VPS37B: variants seen among roughly 807,000 people sequenced by gnomAD.
VPS37B encodes VPS37B subunit of ESCRT-I.
VPS37B carries 11 observed loss-of-function variants against 21.2 expected under a neutral mutation model. The ratio of observed to expected loss-of-function variants is 0.52; its 90% CI spans 0.33 to 0.86. The LOEUF (loss-of-function observed/expected upper bound fraction) is 0.86. Among genes scored for constraint, VPS37B ranks in the 40% least tolerant of loss-of-function variants. VPS37B has a pLI of 0.03. For missense variants in VPS37B, 389 were observed against 374.8 expected (o/e 1.04, Z -0.31); for synonymous variants, 175 against 159.6 (o/e 1.10, Z -0.73).
chr12:122,867,750 T>C lies in VPS37B; in HGVS notation c.367-143A>G, dbSNP rs1206731470. The C allele has an allele frequency of 1.8e-6, 2 of 1,110,286 alleles. No homozygotes were observed. Among genetic ancestry groups the C allele is most frequent in the African/African-American group, 1.6e-5 (1 of 63,696 alleles). The allele number at this position is 1,110,286 out of a possible 1,614,324, so 68.8% of individuals were successfully genotyped here. A position where few individuals can be genotyped will look rare whatever the true frequency, so the allele number is the denominator to read the frequency against. On this transcript the variant is annotated intron_variant, in intron 3 of 3. Coordinates refer to ENST00000267202, the MANE Select transcript of VPS37B (RefSeq NM_024667.3). This position sits in a 1 kb window ranked among gnomAD's most constrained non-coding sequence, Gnocchi z 5.5. ...ACCACCCAGAGGGCCTCGCTCCTGCTCCAGATCCCAGAGGTCATGGGCTCA... is the reference window on the plus strand; with the variant it reads ...ACCACCCAGAGGGCCTCGCTCCTGCCCCAGATCCCAGAGGTCATGGGCTCA...
rs2033958114 is a variant in VPS37B at position 122,868,664 on chromosome 12, G to C, written c.284-102C>G. ...ATTGCACCTTCCTTTCCAGGAAGCT[G>C]AATGTGAAAGGCTTGAAAACCTACA... is the stretch of plus-strand genomic sequence containing the variant. On this transcript the variant is annotated intron_variant, in intron 2 of 3. Transcript: ENST00000267202. This position sits in a 1 kb window ranked among gnomAD's most constrained non-coding sequence, Gnocchi z 5.5. The C allele has an allele frequency of 9.7e-7, 1 of 1,028,360 alleles. No individual in the cohort carries two copies. Among genetic ancestry groups the C allele is most frequent in the African/African-American group, 1.6e-5 (1 of 63,538 alleles). The allele number at this position is 1,028,360 out of a possible 1,614,324, so 63.7% of individuals were successfully genotyped here.
At chr12:122,884,910 G>A (rs1285597164) in intron 1 of VPS37B, 2 of 152,104 alleles carry the variant, frequency 1.3e-5, no homozygotes, top group African/African-American at 4.8e-5. Flanking sequence ...GTGGACCCTG[G>A]ATTTATGTTT....
chr12:122,879,293 G>C (rs1452291751), intron 1 of VPS37B: 1 of 152,416 alleles, frequency 6.6e-6, no homozygotes, highest in Non-Finnish European at 1.5e-5. Context: ...GCAGCCACCT[G>C]GCTGACCTAT....
At chr12:122,869,862 C>T (rs1028146483) in intron 2 of VPS37B, among the ~76,000 whole-genome samples, 9 of 152,068 alleles carry the variant, frequency 5.9e-5, no homozygotes, top group Non-Finnish European at 1.3e-4. Context: ...CCTTCCTTAG[C>T]CTCCCAAGTA....
At chr12:122,875,236 T>G (rs1378017880) in intron 1 of VPS37B, 1 of 146,838 alleles carries the variant, frequency 6.8e-6, no homozygotes, top group Non-Finnish European at 1.5e-5. Context: ...TTTTTTTTTT[T>G]TTTTTTTTTT....
intron 1 of VPS37B, 93 bp from the exon 2 acceptor site, chr12:122,871,154 T>C: frequency 1.3e-6 from 2 of 1,506,388 alleles, no homozygotes; most frequent in Non-Finnish European, 1.8e-6. Context: ...CCAGTGCAGC[T>C]GCTGCCACCT....
chr12:122,880,062 C>T (rs530991125), intron 1 of VPS37B: 2 of 152,114 alleles, frequency 1.3e-5, no homozygotes, highest in South Asian at 4.2e-4. Flanking sequence ...TACAGTGAGC[C>T]GAGATCGTGC....
Position 122,867,013 on chromosome 12 carries a change from G to A in VPS37B, c.*103C>T. On this transcript the variant is annotated 3_prime_UTR_variant, in exon 4 of 4. Transcript: ENST00000267202. The surrounding 1 kb of genome is among the most constrained non-coding windows in gnomAD (Gnocchi z 5.5). ...AATCAGACAGACACGCTGGCCCAGG[G>A]CCCCAGAGCCCTTGGCACAGAGCGG... 1 of 1,365,970 alleles carries A rather than the reference G, an allele frequency of 7.3e-7. No individual in the cohort carries two copies. The highest frequency in any genetic ancestry group is 2.7e-5 in the East Asian group (1 of 37,162). 84.6% of individuals were successfully genotyped at this position (1,365,970 alleles called of 1,614,324 possible).
chr12:122,882,054 C>T (rs1306566057), intron 1 of VPS37B: 1 of 152,124 alleles, frequency 6.6e-6, no homozygotes. Context: ...TCACATTTAG[C>T]AAAATTCACA....
At chr12:122,872,058 A>ATATTTTC in intron 1 of VPS37B, 2 of 985,158 alleles carry the variant, frequency 2.0e-6, no homozygotes. Context: ...TTTCCCCTTA[A>ATATTTTC]TATTTTCTAC....
At chr12:122,888,297 C>T (rs1240756704) in intron 1 of VPS37B, 23 of 323,838 alleles carry the variant, frequency 7.1e-5, no homozygotes, top group Non-Finnish European at 1.2e-4. Flanking sequence ...AGCTAAGTCA[C>T]CTCTCTACTT....
chr12:122,887,396 C>T (rs1327250502), intron 1 of VPS37B: 1 of 152,390 alleles, frequency 6.6e-6, no homozygotes, highest in Non-Finnish European at 1.5e-5. Context: ...TGGTCCCTGA[C>T]TGCCTTTTGG....
In VPS37B at chr12:122,868,268, C is replaced by G. The variant is rs1212203822; in HGVS notation, c.366+212G>C. On this transcript the variant is annotated intron_variant, in intron 3 of 3. Coordinates refer to ENST00000267202, the MANE Select transcript of VPS37B (RefSeq NM_024667.3). This position sits in a 1 kb window ranked among gnomAD's most constrained non-coding sequence, Gnocchi z 5.5. ...CGCATGCCCTCTCTTGGCCCTCGCT[C>G]GGACCTGCCCTCACTCACCCCGCTG... is the stretch of plus-strand genomic sequence containing the variant. 6.6e-6 allele frequency among the ~76,000 whole-genome samples: 1 copy of G among 152,052 alleles called. No individual in the cohort carries two copies. Among genetic ancestry groups the G allele is most frequent in the Non-Finnish European group, 1.5e-5 (1 of 67,994 alleles).
chr12:122,887,641 C>G (rs535368769), intron 1 of VPS37B: 1 of 152,488 alleles, frequency 6.6e-6, no homozygotes, highest in Non-Finnish European at 1.5e-5. Flanking sequence ...CTTCCAAAGG[C>G]TTACTGGATC....
intron 2 of VPS37B, among the ~76,000 whole-genome samples, chr12:122,869,705 G>C (rs1352541744): frequency 6.6e-6 from 1 of 152,202 alleles, no homozygotes; most frequent in Non-Finnish European, 1.5e-5. Flanking sequence ...AGCCTTCAGA[G>C]TAGGTGGGAC....
intron 1 of VPS37B, chr12:122,878,539 T>C (rs2034195788): frequency 6.6e-6 from 1 of 151,902 alleles, no homozygotes; most frequent in African/African-American, 2.4e-5. Context: ...CCTACATTTA[T>C]TGGAAAAAAG....
intron 1 of VPS37B, among the ~76,000 whole-genome samples, chr12:122,891,631 G>C (rs533927916): frequency 6.6e-6 from 1 of 152,150 alleles, no homozygotes; most frequent in Admixed American, 6.5e-5. Flanking sequence ...ATAAAACATG[G>C]ATAAAAACAA....
intron 1 of VPS37B, among the ~76,000 whole-genome samples, chr12:122,893,059 CAAA>C (rs11429369): frequency 1.4e-5 from 2 of 139,214 alleles, no homozygotes; most frequent in Non-Finnish European, 1.5e-5. Flanking sequence ...GATCCTTTCT[CAAA>C]AAAAAAAAAA....
Position 122,867,612 on chromosome 12 carries a change from AAGAGGC to A in VPS37B, c.367-11_367-6del, listed in dbSNP as rs1484293059. On this transcript the variant is annotated splice_region_variant and splice_polypyrimidine_tract_variant and intron_variant, in intron 3 of 3. Transcript: ENST00000267202. The surrounding 1 kb of genome is among the most constrained non-coding windows in gnomAD (Gnocchi z 5.5). ...CAGAAACTTCTCTGCCATGTTCTGAAAGAGGCAGAAACCTGGTTACAGGGACAGCCA... is the reference window on the plus strand; with the variant it reads ...CAGAAACTTCTCTGCCATGTTCTGAAAGAAACCTGGTTACAGGGACAGCCA... The A allele has an allele frequency of 1.9e-6, 3 of 1,611,698 alleles. No homozygotes were observed. In the African/African-American group the frequency reaches 4.0e-5, roughly 22 times the overall value.
Sources: gnomAD v4.1 joint callset for allele counts (sites outside exome capture counted in the v4.1 genomes callset) on GRCh38, gnomAD v4.1.1 for gene constraint, Gnocchi (gnomAD v3.1) non-coding constraint, MANE v1.5 for transcripts, NCBI Gene and HGNC (gene_info 2026-07-23, HGNC 2026-07-21) for gene names.